KLHL2: variants seen among roughly 807,000 people sequenced by gnomAD.
KLHL2 encodes kelch-like protein 2.
KLHL2 carries 15 observed loss-of-function variants against 75.8 expected under a neutral mutation model. That is an observed-to-expected ratio of 0.20 (90% CI 0.13 to 0.30). The LOEUF (loss-of-function observed/expected upper bound fraction) is 0.30. KLHL2 is among the 10% of genes least tolerant of loss of function. The pLI, the probability that KLHL2 is intolerant of heterozygous loss-of-function variation, is 1.00. For synonymous variants in KLHL2, 214 were observed against 251.9 expected, an observed-to-expected ratio of 0.85 and a Z score of 1.42; for missense variants, 381 against 741.0, an observed-to-expected ratio of 0.51 and a Z score of 5.64.
intron 5 of KLHL2, among the ~76,000 whole-genome samples, chr4:165,273,617 GCTCT>G (rs902388439): frequency 1.1e-4 from 16 of 152,102 alleles, no homozygotes; most frequent in African/African-American, 3.6e-4. Flanking sequence ...CCCTGCACAA[GCTCT>G]CTCTCTTTGC....
At chr4:165,219,452 T>A (rs1737813003) in intron 1 of KLHL2, among the ~76,000 whole-genome samples, 1 of 152,272 alleles carries the variant, frequency 6.6e-6, no homozygotes, top group Non-Finnish European at 1.5e-5. Context: ...GATTAATCTC[T>A]TGTTAGTATA....
rs191817333 is a variant in KLHL2, at chr4:165,209,619, C to T, written c.26+1717C>T. Among the ~76,000 whole-genome samples, 387 of 152,100 alleles carry T rather than the reference C, an allele frequency of 2.5e-3. 2 individuals carry two copies. Among genetic ancestry groups the T allele is most frequent in the African/African-American group, 9.1e-3 (376 of 41,482 alleles). On this transcript the variant is annotated intron_variant, in intron 1 of 14. Transcript: ENST00000226725. Reference sequence around the variant, plus strand: ...GATCAGCTAATCATAATTTTGATGACCAGCGCCATTTTTGGCATTGAGATT... The same window carrying T: ...GATCAGCTAATCATAATTTTGATGATCAGCGCCATTTTTGGCATTGAGATT...
At chr4:165,246,037 A>G (rs1253120391) in intron 4 of KLHL2, among the ~76,000 whole-genome samples, 1 of 152,184 alleles carries the variant, frequency 6.6e-6, no homozygotes, top group Admixed American at 6.5e-5. Flanking sequence ...GAGGAGGGGT[A>G]GGGACGAGAC....
intron 1 of KLHL2, among the ~76,000 whole-genome samples, chr4:165,216,202 G>A (rs955755709): frequency 4.6e-5 from 7 of 152,136 alleles, no homozygotes; most frequent in Non-Finnish European, 7.4e-5. Context: ...CATCAATAGT[G>A]TATTCTTAGG....
intron 6 of KLHL2, among the ~76,000 whole-genome samples, chr4:165,296,925 T>A (rs59353629): frequency 0.069 from 10,475 of 152,218 alleles, 458 homozygotes; most frequent in Middle Eastern, 0.14. Flanking sequence ...ATTCTTGTTA[T>A]TTATTTGCAG....
At chr4:165,267,993 G>T (rs906265965) in intron 5 of KLHL2, among the ~76,000 whole-genome samples, 2 of 152,158 alleles carry the variant, frequency 1.3e-5, no homozygotes, top group Non-Finnish European at 2.9e-5. Flanking sequence ...TTCAGAACCT[G>T]TTACTGGTCT....
chr4:165,209,872 C>T (rs1021902969), intron 1 of KLHL2: 3 of 539,062 alleles, frequency 5.6e-6, no homozygotes, highest in Admixed American at 3.4e-5. Context: ...TGTTATTTGC[C>T]ATTCTGTGGA....
chr4:165,218,904 C>A (rs1440221509), intron 1 of KLHL2, among the ~76,000 whole-genome samples: 1 of 151,998 alleles, frequency 6.6e-6, no homozygotes, highest in Non-Finnish European at 1.5e-5. Flanking sequence ...AATTGGTGCC[C>A]TGATTTTTTA....
intron 5 of KLHL2, 23 bp downstream of exon 5, chr4:165,263,382 G>A: frequency 6.2e-7 from 1 of 1,604,468 alleles, no homozygotes; most frequent in East Asian, 2.2e-5. Flanking sequence ...GACCTCAGCT[G>A]AATTTGGGAG....
Position 165,311,453 on chromosome 4 carries a change from C to T in KLHL2, c.1238-11C>T. ...AGAGAAGGAAATGAAGACTATTGTGCTTTATTATAGGTTTGTCATCTGTGG... is the reference window on the plus strand; with the variant it reads ...AGAGAAGGAAATGAAGACTATTGTGTTTTATTATAGGTTTGTCATCTGTGG... On this transcript the variant is annotated splice_polypyrimidine_tract_variant and intron_variant, in intron 10 of 14. Coordinates refer to ENST00000226725, the MANE Select transcript of KLHL2 (RefSeq NM_007246.4). 1.3e-6 allele frequency: 2 copies of T among 1,581,212 alleles called. No individual in the cohort carries two copies. The highest frequency in any genetic ancestry group is 1.7e-6 in the Non-Finnish European group (2 of 1,153,538).
rs193234179 is a variant in KLHL2, at chr4:165,244,436, G to C, written c.381+5537G>C. Among the ~76,000 whole-genome samples the C allele has an allele frequency of 5.9e-5, 9 of 152,334 alleles. No individual in the cohort carries two copies. The East Asian group carries it at 1.7e-3, about 29-fold the overall frequency. The stretch of plus-strand genomic sequence containing the variant: ...CATGGAGAGAATTGGTTCATCAGGT[G>C]AGTAGGTAAAGTAGATTTTGGTGAA... On this transcript the variant is annotated intron_variant, in intron 4 of 14. Transcript: ENST00000226725.
chr4:165,263,802 A>ATTTTT (rs1313576886), intron 5 of KLHL2, among the ~76,000 whole-genome samples: 2 of 93,532 alleles, frequency 2.1e-5, no homozygotes, highest in African/African-American at 3.5e-5. Flanking sequence ...GATTTTTTAC[A>ATTTTT]TTGTTTTTTT....
chr4:165,242,297 A>G (rs1390789664), intron 4 of KLHL2, among the ~76,000 whole-genome samples: 3 of 152,182 alleles, frequency 2.0e-5, no homozygotes, highest in Non-Finnish European at 4.4e-5. Flanking sequence ...ATTGAAAAGT[A>G]TGCTCTTTGA....
At chr4:165,244,547 C>G (rs1740090629) in intron 4 of KLHL2, among the ~76,000 whole-genome samples, 1 of 152,140 alleles carries the variant, frequency 6.6e-6, no homozygotes, top group East Asian at 1.9e-4. Flanking sequence ...TTTTAAAAAT[C>G]TGTCTTAAAA....
chr4:165,247,564 G>T (rs1012262788), intron 4 of KLHL2, among the ~76,000 whole-genome samples: 1 of 152,068 alleles, frequency 6.6e-6, no homozygotes, highest in Non-Finnish European at 1.5e-5. Context: ...AGAGGGGTTG[G>T]CATCTAAAAC....
intron 4 of KLHL2, among the ~76,000 whole-genome samples, chr4:165,246,077 G>T (rs1029344656): frequency 5.3e-5 from 8 of 152,092 alleles, no homozygotes; most frequent in Non-Finnish European, 1.2e-4. Context: ...AGAGAAACAG[G>T]TGACTTTTAC....
Position 165,259,902 on chromosome 4 carries a change from A to G in KLHL2, c.382-3295A>G, listed in dbSNP as rs1161559458. ...GAGGGTGTGGTTTCTTCATCACACAAATTAGAAGGTTTGATTTGATTTGAT... is the reference window on the plus strand; with the variant it reads ...GAGGGTGTGGTTTCTTCATCACACAGATTAGAAGGTTTGATTTGATTTGAT... On this transcript the variant is annotated intron_variant, in intron 4 of 14. Transcript: ENST00000226725. 2.6e-5 allele frequency among the ~76,000 whole-genome samples: 4 copies of G among 151,900 alleles called. No homozygotes were observed. In the South Asian group the frequency reaches 6.2e-4, roughly 24 times the overall value.
intron 4 of KLHL2, 144 bp from the exon 5 acceptor site, chr4:165,263,053 T>G (rs1384366743): frequency 1.5e-6 from 1 of 647,250 alleles, no homozygotes; most frequent in African/African-American, 1.8e-5. Flanking sequence ...TAAAAATAAT[T>G]TTTATATTTG....
chr4:165,265,267 T>C (rs1361050266), intron 5 of KLHL2, among the ~76,000 whole-genome samples: 3 of 152,206 alleles, frequency 2.0e-5, no homozygotes, highest in Non-Finnish European at 2.9e-5. Context: ...TTTTAGATTC[T>C]GGATATTAGT....
Sources: gnomAD v4.1 joint callset for allele counts (sites outside exome capture counted in the v4.1 genomes callset) on GRCh38, gnomAD v4.1.1 for gene constraint, MANE v1.5 for transcripts, NCBI Gene and HGNC (gene_info 2026-07-23, HGNC 2026-07-21) for gene names.